Variants in CEP290 observed in about 807,000 individuals in gnomAD.
The protein encoded by CEP290 is centrosomal protein 290, also known as centrosomal protein of 290 kDa.
A neutral mutation model predicts 344.9 loss-of-function variants in CEP290; 317 were observed. That is an observed-to-expected ratio of 0.92 (90% CI 0.84 to 1.01). CEP290 has a LOEUF of 1.01. Among genes scored for constraint, CEP290 ranks in the 50% least tolerant of loss-of-function variants. The probability of loss-of-function intolerance (pLI) is 0.00; values close to 1 mark genes in which losing one functional copy is unlikely to be tolerated. For synonymous variants in CEP290, 932 were observed against 895.8 expected (o/e 1.04, Z -0.72); for missense variants, 2,754 against 2,761.4 (o/e 1.00, Z 0.06).
chr12:88,139,272 A>C (rs2040505338), intron 4 of CEP290, 81 bp from the exon 5 acceptor site: 1 of 658,250 alleles, frequency 1.5e-6, no homozygotes, highest in South Asian at 2.6e-5. Flanking sequence ...TCAATAACAA[A>C]ATTAATTCTT....
rs573629425 is a variant in CEP290 at position 88,134,498 on chromosome 12, A to T, written c.441+2145T>A. On this transcript the variant is annotated intron_variant, in intron 6 of 53. Coordinates refer to ENST00000552810, the MANE Select transcript of CEP290 (RefSeq NM_025114.4). ...AACTCTTCACTGGCTCCTTTCAGGA[A>T]AAGAACCAAATTCATTAGGAACTGG... Among the ~76,000 whole-genome samples the T allele has an allele frequency of 2.0e-5, 3 of 152,348 alleles. No homozygotes were observed. The East Asian group carries it at 5.8e-4, about 29-fold the overall frequency.
chr12:88,117,214 C>A (rs2039108466), intron 17 of CEP290, 69 bp from the exon 18 acceptor site: 2 of 738,646 alleles, frequency 2.7e-6, no homozygotes, highest in Non-Finnish European at 4.3e-6. Flanking sequence ...CACTTTAATT[C>A]TTAAAACCTA....
rs766265410 is a variant in CEP290, at chr12:88,068,537, T to C, written c.6120A>G (p.Thr2040=). The change falls in exon 44 of 54, where the codon ACA becomes ACG. Residue 2040 remains threonine, a synonymous_variant. Coordinates refer to ENST00000552810, the MANE Select transcript of CEP290 (RefSeq NM_025114.4). ...HALEKQFSKD[T]YSKPSISGIE... The stretch of plus-strand genomic sequence containing the variant: ...ATACACTTACTGAAGGCTTAGAATA[T>C]GTATCCTTTGAAAACTGTTTTTCTA... 9.0e-6 allele frequency: 14 copies of C among 1,557,504 alleles called. No individual in the cohort carries two copies. The highest frequency in any genetic ancestry group is 1.1e-5 in the Non-Finnish European group (13 of 1,149,626).
intron 18 of CEP290, chr12:88,116,144 A>G (rs1439566443): frequency 2.8e-6 from 2 of 712,224 alleles, no homozygotes; most frequent in African/African-American, 3.9e-5. Flanking sequence ...GTACAAAACT[A>G]GTCTTCTCTA....
At chr12:88,102,774 C>A in intron 26 of CEP290, 64 bp downstream of exon 26, 1 of 1,420,000 alleles carries the variant, frequency 7.0e-7, no homozygotes, top group Non-Finnish European at 9.6e-7. Flanking sequence ...CAAATCCCCC[C>A]AAACACAAAA....
Position 88,121,100 on chromosome 12 carries a change from T to C in CEP290, c.1256A>G (p.Lys419Arg), listed in dbSNP as rs1292471251. Reference sequence around the variant, plus strand: ...AGCTGTTCTCTCAGCCTCTTTAGTTTTCTCTTTTAAAATGTCTAACGTTGA... The same window carrying C: ...AGCTGTTCTCTCAGCCTCTTTAGTTCTCTCTTTTAAAATGTCTAACGTTGA... ...IQSTLDILKE[K>R]TKEAERTAEL... The change falls in exon 14 of 54, where the codon AAA becomes AGA. Residue 419 changes from lysine (K) to arginine (R), a missense_variant. Transcript: ENST00000552810. 1.9e-6 allele frequency: 3 copies of C among 1,613,436 alleles called. No individual in the cohort carries two copies. The highest frequency in any genetic ancestry group is 2.5e-6 in the Non-Finnish European group (3 of 1,179,662).
chr12:88,100,717 T>C (rs2037803697), intron 26 of CEP290, among the ~76,000 whole-genome samples: 1 of 152,146 alleles, frequency 6.6e-6, no homozygotes, highest in Admixed American at 6.5e-5. Flanking sequence ...ATGTATAAGA[T>C]GCAGAACTAG....
At chr12:88,096,764 G>C in intron 27 of CEP290, 124 bp downstream of exon 27, 1 of 568,172 alleles carries the variant, frequency 1.8e-6, no homozygotes, top group Non-Finnish European at 3.0e-6. Context: ...TTATTAGGCA[G>C]AAAGTTCTTT....
Position 88,080,381 on chromosome 12 carries a change from T to C in CEP290, c.5027A>G (p.His1676Arg), listed in dbSNP as rs375246057. The change falls in exon 38 of 54, where the codon CAT becomes CGT. Residue 1676 changes from histidine (H) to arginine (R), a missense_variant. His to Arg is a conservative substitution (Grantham distance 29). Coordinates refer to ENST00000552810, the MANE Select transcript of CEP290 (RefSeq NM_025114.4). ...TTTTACTTTTTTCACTTCATCTTCA[T>C]GGTTTTCTTGAAGCCTGATGTAAAT... ...ENIKLQLQEN[H>R]EDEVKKVKAE... The C allele has an allele frequency of 3.1e-6, 5 of 1,610,980 alleles. No homozygotes were observed. The highest frequency in any genetic ancestry group is 4.2e-6 in the Non-Finnish European group (5 of 1,177,972).
chr12:88,115,157 A>G lies in CEP290; in HGVS notation c.1850T>C (p.Ile617Thr), dbSNP rs776346956. The change falls in exon 19 of 54, where the codon ATT (isoleucine) becomes ACT (threonine). Residue 617 changes from isoleucine to threonine, a missense_variant. Ile to Thr is a moderately conservative substitution (Grantham distance 89). Coordinates refer to ENST00000552810, the MANE Select transcript of CEP290 (RefSeq NM_025114.4). ...CCTTTCTAAATCTCTTTCTTTTTCA[A>G]TTAGTTCTCTTGAAAGAAATTCATT... Reference protein sequence around the residue: ...SKNEFLSRELIEKERDLERSR... With the variant: ...SKNEFLSRELTEKERDLERSR... 1.2e-5 allele frequency: 18 copies of G among 1,495,370 alleles called. No individual in the cohort carries two copies. The highest frequency in any genetic ancestry group is 1.6e-5 in the Non-Finnish European group (18 of 1,095,386). The allele number at this position is 1,495,370 out of a possible 1,614,324, so 92.6% of individuals were successfully genotyped here.
chr12:88,080,740 A>G (rs1031110808), intron 37 of CEP290, among the ~76,000 whole-genome samples: 9 of 152,090 alleles, frequency 5.9e-5, no homozygotes, highest in African/African-American at 2.2e-4. Flanking sequence ...AACATATGTA[A>G]TTAATAGAGT....
chr12:88,064,799 C>T (rs1447499373), intron 44 of CEP290, among the ~76,000 whole-genome samples: 2 of 152,000 alleles, frequency 1.3e-5, no homozygotes, highest in Admixed American at 6.6e-5. Context: ...TCTAGGTCTC[C>T]AGAACTAAGA....
At chr12:88,133,779 G>T (rs1219432178) in intron 6 of CEP290, among the ~76,000 whole-genome samples, 1 of 152,166 alleles carries the variant, frequency 6.6e-6, no homozygotes, top group South Asian at 2.1e-4. Flanking sequence ...AATTTTAGAA[G>T]TTTGCCTATC....
At chr12:88,050,287 A>G (rs920209947) in intron 53 of CEP290, 67 bp downstream of exon 53, 72 of 754,612 alleles carry the variant, frequency 9.5e-5, no homozygotes, top group Non-Finnish European at 1.4e-4. Context: ...GTAGTTAAAG[A>G]TGGTAATGAA....
Position 88,060,955 on chromosome 12 carries a change from T to A in CEP290, c.6397A>T (p.Thr2133Ser). ...ACTACTTTTTTCATTAAACCAATGG[T>A]TTTTTCCAGTTCTGGGATTGTCTTT... is the stretch of plus-strand genomic sequence containing the variant. ...SGKTIPELEK[T>S]IGLMKKVVEK... The change falls in exon 47 of 54, where the codon ACC becomes TCC. Residue 2133 changes from threonine to serine, a missense_variant. Physicochemically the swap from Thr to Ser is moderately conservative, Grantham distance 58. Coordinates refer to ENST00000552810, the MANE Select transcript of CEP290 (RefSeq NM_025114.4). 6.4e-7 allele frequency: 1 copy of A among 1,562,064 alleles called. No homozygotes were observed. The highest frequency in any genetic ancestry group is 8.7e-7 in the Non-Finnish European group (1 of 1,152,164).
chr12:88,067,665 T>C (rs2136895213), intron 44 of CEP290, among the ~76,000 whole-genome samples: 1 of 152,320 alleles, frequency 6.6e-6, no homozygotes, highest in South Asian at 2.1e-4. Context: ...TTTGACAACA[T>C]TCTTGATTAA....
intron 41 of CEP290, among the ~76,000 whole-genome samples, chr12:88,074,482 G>A (rs941483275): frequency 6.6e-6 from 1 of 152,170 alleles, no homozygotes; most frequent in East Asian, 1.9e-4. Flanking sequence ...AACAACAAAC[G>A]TGAATGGTAC....
At chr12:88,078,355 C>A (rs980246263) in intron 39 of CEP290, among the ~76,000 whole-genome samples, 1 of 152,034 alleles carries the variant, frequency 6.6e-6, no homozygotes, top group Non-Finnish European at 1.5e-5. Flanking sequence ...GGGTAACTTA[C>A]AATACTAGAC....
Position 88,125,295 on chromosome 12 carries a change from CT to C in CEP290, c.1139del (p.Lys380ArgfsTer9). ...TCAAATCTTCAATAATACAAGTATT[CT>C]TTTCCATTTCTTTTGTATATTGTTC... ...QVEQYTKEME[K>X]NTCIIEDLKN... On this transcript the variant is annotated frameshift_variant, in exon 13 of 54. Transcript: ENST00000552810. LOFTEE classifies it high-confidence loss of function. 1.7e-6 allele frequency: 2 copies of C among 1,166,152 alleles called. No homozygotes were observed. The highest frequency in any genetic ancestry group is 2.3e-6 in the Non-Finnish European group (2 of 867,288). 72.2% of individuals were successfully genotyped at this position (1,166,152 alleles called of 1,614,324 possible). A position where few individuals can be genotyped will look rare whatever the true frequency, so the allele number is the denominator to read the frequency against.
Sources: allele counts gnomAD v4.1 joint callset (sites outside exome capture counted in the v4.1 genomes callset), GRCh38; gene constraint gnomAD v4.1.1; transcripts MANE v1.5; gene names NCBI Gene and HGNC (gene_info 2026-07-23, HGNC 2026-07-21).